LINGO2: variants seen among roughly 807,000 people sequenced by gnomAD.
LINGO2 encodes leucine-rich repeat and immunoglobulin-like domain-containing nogo receptor-interacting protein 2.
LINGO2 carries 14 observed loss-of-function variants against 30.6 expected under a neutral mutation model. That is an observed-to-expected ratio of 0.46 (90% CI 0.30 to 0.72). The LOEUF (loss-of-function observed/expected upper bound fraction) is 0.72. Ranked by LOEUF, LINGO2 falls within the 30% of genes least tolerant of loss-of-function variation. The pLI, the probability that LINGO2 is intolerant of heterozygous loss-of-function variation, is 0.07. For synonymous variants in LINGO2, 317 were observed against 288.5 expected, an observed-to-expected ratio of 1.10 and a Z score of -1.00; for missense variants, 729 against 751.7, an observed-to-expected ratio of 0.97 and a Z score of 0.35.
the LINGO2 span, among the ~76,000 whole-genome samples, chr9:28,871,207 C>A: frequency 6.6e-6 from 1 of 150,846 alleles, no homozygotes; most frequent in Non-Finnish European, 1.5e-5. Flanking sequence ...ATGAGGTAAG[C>A]CTAAATTATA....
intron 1 of LINGO2, among the ~76,000 whole-genome samples, chr9:28,622,733 T>TC (rs1208485759): frequency 1.3e-5 from 2 of 151,886 alleles, no homozygotes; most frequent in African/African-American, 4.8e-5. Flanking sequence ...GCTCTATTTT[T>TC]TTTTTTTTTT....
At chr9:28,068,492 G>A (rs912863486) in intron 4 of LINGO2, among the ~76,000 whole-genome samples, 1 of 152,038 alleles carries the variant, frequency 6.6e-6, no homozygotes, top group Non-Finnish European at 1.5e-5. Context: ...CCATTACATT[G>A]GGGGTAGAGC....
intron 4 of LINGO2, among the ~76,000 whole-genome samples, chr9:28,232,252 A>G (rs2133939711): frequency 6.6e-6 from 1 of 152,092 alleles, no homozygotes; most frequent in Admixed American, 6.5e-5. Flanking sequence ...TACAAAAAAT[A>G]GCTAGGCATG....
intron 1 of LINGO2, among the ~76,000 whole-genome samples, chr9:28,635,723 T>C (rs372678116): frequency 6.6e-6 from 1 of 152,180 alleles, no homozygotes; most frequent in Non-Finnish European, 1.5e-5. Context: ...GGGATAAATG[T>C]AACAGAACCA....
At chr9:29,001,133 G>A in the LINGO2 span, among the ~76,000 whole-genome samples, 1 of 151,776 alleles carries the variant, frequency 6.6e-6, no homozygotes, top group Non-Finnish European at 1.5e-5. Context: ...GAAGTAGACT[G>A]CAGTGTTGAA....
chr9:28,270,127 T>A (rs150113278), intron 4 of LINGO2, among the ~76,000 whole-genome samples: 22 of 152,264 alleles, frequency 1.4e-4, no homozygotes, highest in Non-Finnish European at 3.1e-4. Flanking sequence ...TTTCACTGAG[T>A]TCGGCAAAGT....
intron 1 of LINGO2, among the ~76,000 whole-genome samples, chr9:28,476,433 G>T (rs866097039): frequency 6.6e-6 from 1 of 152,002 alleles, no homozygotes; most frequent in Non-Finnish European, 1.5e-5. Flanking sequence ...CCGCCACCAC[G>T]CCCGGCTAAT....
chr9:28,077,949 C>T lies in LINGO2; in HGVS notation c.-86-65544G>A, dbSNP rs149992748. On this transcript the variant is annotated intron_variant, in intron 4 of 5. Transcript: ENST00000379992. The stretch of plus-strand genomic sequence containing the variant: ...GAGCAGGCCTGATTTCATGATTAAG[C>T]GTCAACTCTAGAGAATGATGTGGTT... 4.2e-4 allele frequency among the ~76,000 whole-genome samples: 63 copies of T among 149,136 alleles called. 1 individual carries two copies. The highest frequency in any genetic ancestry group is 2.5e-3 in the East Asian group (13 of 5,180).
chr9:28,523,729 G>A (rs1363410450), intron 1 of LINGO2, among the ~76,000 whole-genome samples: 1 of 151,830 alleles, frequency 6.6e-6, no homozygotes, highest in Non-Finnish European at 1.5e-5. Flanking sequence ...ATAAGTACAA[G>A]ACCTGTACAT....
intron 2 of LINGO2, among the ~76,000 whole-genome samples, chr9:28,382,222 G>A (rs1821384118): frequency 6.6e-6 from 1 of 151,988 alleles, no homozygotes. Context: ...AATACTCTTT[G>A]TGATTATTAA....
rs186702964 is a variant in LINGO2 at position 28,231,376 on chromosome 9, T to A, written c.-87+63832A>T. Among the ~76,000 whole-genome samples the A allele has an allele frequency of 2.3e-3, 345 of 152,090 alleles. 1 individual carries two copies. The highest frequency in any genetic ancestry group is 3.1e-3 in the Non-Finnish European group (209 of 67,912). ...TTAAACTTTTACTTTTAGAAAAAAA[T>A]TATTTTTTGGAGCAGTGTGGGAAAA... On this transcript the variant is annotated intron_variant, in intron 4 of 5. Transcript: ENST00000379992.
chr9:28,081,898 A>G (rs1325421291), intron 4 of LINGO2, among the ~76,000 whole-genome samples: 2 of 152,284 alleles, frequency 1.3e-5, no homozygotes, highest in Non-Finnish European at 2.9e-5. Flanking sequence ...GCAGATGTAT[A>G]CCATGATACA....
At chr9:28,891,859 G>C in the LINGO2 span, among the ~76,000 whole-genome samples, 1 of 151,886 alleles carries the variant, frequency 6.6e-6, no homozygotes, top group South Asian at 2.1e-4. Context: ...ATTTTAGAAT[G>C]AGAATTTAGA....
intron 1 of LINGO2, among the ~76,000 whole-genome samples, chr9:28,575,128 G>C (rs1325754103): frequency 6.6e-6 from 1 of 152,094 alleles, no homozygotes; most frequent in East Asian, 1.9e-4. Flanking sequence ...ACCAGGCCAG[G>C]CGTGGTGGCT....
intron 1 of LINGO2, among the ~76,000 whole-genome samples, chr9:28,593,839 C>T (rs1825045743): frequency 6.6e-6 from 1 of 151,898 alleles, no homozygotes; most frequent in African/African-American, 2.4e-5. Flanking sequence ...AACATTACAC[C>T]AGCTTTTAGT....
At chr9:29,203,548 T>C in the LINGO2 span, among the ~76,000 whole-genome samples, 1 of 152,206 alleles carries the variant, frequency 6.6e-6, no homozygotes, top group African/African-American at 2.4e-5. Flanking sequence ...AAAAATAAAT[T>C]CTGTCACCAA....
the LINGO2 span, among the ~76,000 whole-genome samples, chr9:28,698,615 G>T: frequency 6.6e-6 from 1 of 151,932 alleles, no homozygotes; most frequent in Non-Finnish European, 1.5e-5. Context: ...TATATTGTGT[G>T]TGTGGTTTTT....
the LINGO2 span, among the ~76,000 whole-genome samples, chr9:28,711,439 T>C: frequency 3.2e-4 from 48 of 152,288 alleles, no homozygotes; most frequent in Non-Finnish European, 3.7e-4. Context: ...GGCTAGCACA[T>C]GGCAAGTACT....
At chr9:28,164,423 T>A (rs1231115170) in intron 4 of LINGO2, among the ~76,000 whole-genome samples, 1 of 152,166 alleles carries the variant, frequency 6.6e-6, no homozygotes, top group African/African-American at 2.4e-5. Context: ...TTTGTAAAGA[T>A]GTTATGAGAT....
Sources: allele counts gnomAD v4.1 joint callset (sites outside exome capture counted in the v4.1 genomes callset), GRCh38; gene constraint gnomAD v4.1.1; transcripts MANE v1.5; gene names NCBI Gene and HGNC (gene_info 2026-07-23, HGNC 2026-07-21).